Variants in NWD1 observed in about 807,000 individuals in gnomAD.
NWD1 encodes the protein NACHT domain- and WD repeat-containing protein 1.
A neutral mutation model predicts 135.1 loss-of-function variants in NWD1; 129 were observed. The observed-to-expected ratio is 0.96, with a 90% CI of 0.83 to 1.11. The LOEUF (loss-of-function observed/expected upper bound fraction) is 1.11, where lower values mean the gene tolerates loss of function less well. NWD1 is among the 50% of genes least tolerant of loss of function. The pLI is 0.00. For synonymous variants in NWD1, 773 were observed against 786.0 expected, an observed-to-expected ratio of 0.98 and a Z score of 0.28; for missense variants, 1,740 against 1,851.3, an observed-to-expected ratio of 0.94 and a Z score of 1.10.
intron 4 of NWD1, among the ~76,000 whole-genome samples, chr19:16,741,705 C>T (rs1349323265): frequency 6.6e-6 from 1 of 151,914 alleles, no homozygotes; most frequent in East Asian, 1.9e-4. Flanking sequence ...GGTGAATTTC[C>T]CTGACTCCCC....
At chr19:16,784,008 C>T (rs1482449300) in intron 12 of NWD1, among the ~76,000 whole-genome samples, 1 of 152,068 alleles carries the variant, frequency 6.6e-6, no homozygotes, top group Non-Finnish European at 1.5e-5. Context: ...AGTTCGAAAC[C>T]AGCCTGGCCA....
At position 16,791,617 on chromosome 19, in the gene NWD1, T is replaced by A; in HGVS notation, c.3208T>A (p.Ser1070Thr). 6.2e-7 allele frequency: 1 copy of A among 1,614,030 alleles called. No individual in the cohort carries two copies. The highest frequency in any genetic ancestry group is 8.5e-7 in the Non-Finnish European group (1 of 1,179,954). Residue 1070 changes from serine (S) to threonine (T), a missense_variant, in exon 14 of 19, where the codon TCT becomes ACT. Physicochemically the swap from Ser to Thr is moderately conservative, Grantham distance 58. Transcript: ENST00000524140. ...TACCGGGTTTAGCAATGGCTCCATC[T>A]CTTTGGTAAGCACCTTTACTGACTA... ...LVTGFSNGSISLVSSKGDRLL... is the reference protein window; with the variant it reads ...LVTGFSNGSITLVSSKGDRLL...
intron 18 of NWD1, among the ~76,000 whole-genome samples, chr19:16,813,681 T>C (rs1970991029): frequency 6.6e-6 from 1 of 150,702 alleles, no homozygotes; most frequent in Admixed American, 6.6e-5. Context: ...TTCACCATGT[T>C]GGCCAGGCTG....
At chr19:16,782,443 G>A (rs1969889053) in intron 12 of NWD1, among the ~76,000 whole-genome samples, 1 of 152,012 alleles carries the variant, frequency 6.6e-6, no homozygotes, top group South Asian at 2.1e-4. Context: ...TCCATCCTGG[G>A]CGACAGAGTG....
intron 15 of NWD1, among the ~76,000 whole-genome samples, chr19:16,795,415 CTTTTTTTTTT>C (rs869281364): frequency 3.7e-5 from 5 of 136,348 alleles, no homozygotes; most frequent in Non-Finnish European, 7.9e-5. Context: ...TGCTAATTAC[CTTTTTTTTTT>C]TTTTTTTTTG....
intron 3 of NWD1, among the ~76,000 whole-genome samples, chr19:16,735,306 C>A (rs1967746179): frequency 6.6e-6 from 1 of 151,998 alleles, no homozygotes; most frequent in Admixed American, 6.6e-5. Flanking sequence ...GAGTTTGAGA[C>A]CAGCCTGGCC....
rs1381828560 is a variant in NWD1, at chr19:16,724,471, C to G, written c.-7+8C>G. ...AGGCTCACGGATGCCAAGGTATACG[C>G]GTGTTCTCTCTGCCTCCAGCGGTGG... On this transcript the variant is annotated splice_region_variant and intron_variant, in intron 2 of 18. Transcript: ENST00000524140. 6.6e-6 allele frequency: 1 copy of G among 152,138 alleles called. No homozygotes were observed. The highest frequency in any genetic ancestry group is 6.6e-5 in the Admixed American group (1 of 15,262). 9.4% of individuals were successfully genotyped at this position (152,138 alleles called of 1,614,324 possible). A position where few individuals can be genotyped will look rare whatever the true frequency, so the allele number is the denominator to read the frequency against.
chr19:16,739,109 C>G (rs965810593), intron 4 of NWD1, among the ~76,000 whole-genome samples: 3 of 149,592 alleles, frequency 2.0e-5, no homozygotes, highest in Non-Finnish European at 4.4e-5. Flanking sequence ...ACTCTACATT[C>G]TGTTGTAAAT....
At chr19:16,772,263 G>A (rs548159806) in intron 10 of NWD1, among the ~76,000 whole-genome samples, 127 of 152,278 alleles carry the variant, frequency 8.3e-4, no homozygotes, top group African/African-American at 2.8e-3. Flanking sequence ...TAATATAGAG[G>A]CTGTGGCCGG....
chr19:16,784,454 A>T (rs1969969960), intron 12 of NWD1, among the ~76,000 whole-genome samples: 1 of 152,106 alleles, frequency 6.6e-6, no homozygotes, highest in Admixed American at 6.6e-5. Context: ...ATTTCGTATA[A>T]GGCACTGGAG....
chr19:16,778,200 T>C (rs1185787675), intron 11 of NWD1, among the ~76,000 whole-genome samples: 1 of 152,142 alleles, frequency 6.6e-6, no homozygotes, highest in Non-Finnish European at 1.5e-5. Flanking sequence ...AAGGACTTCC[T>C]TTCTTTACTC....
chr19:16,789,323 T>A, intron 13 of NWD1, 133 bp downstream of exon 13: 1 of 669,826 alleles, frequency 1.5e-6, no homozygotes, highest in Non-Finnish European at 2.6e-6. Context: ...CACAACCACT[T>A]GAGAGGGTGC....
intron 14 of NWD1, among the ~76,000 whole-genome samples, chr19:16,792,056 A>G (rs1970266368): frequency 6.6e-6 from 1 of 152,302 alleles, no homozygotes; most frequent in South Asian, 2.1e-4. Context: ...AGTTCAGCAC[A>G]GTTCAGGAAA....
intron 1 of NWD1, among the ~76,000 whole-genome samples, chr19:16,722,244 A>C (rs377284795): frequency 1.3e-5 from 2 of 151,434 alleles, no homozygotes; most frequent in South Asian, 2.1e-4. Flanking sequence ...GGCTGCAGTG[A>C]GCCACAATAG....
At chr19:16,800,960 C>T (rs1970586146) in intron 17 of NWD1, among the ~76,000 whole-genome samples, 1 of 151,980 alleles carries the variant, frequency 6.6e-6, no homozygotes, top group Non-Finnish European at 1.5e-5. Context: ...TGAGAGGATG[C>T]CATTTCTACT....
chr19:16,726,748 T>G (rs1967346460), intron 2 of NWD1, among the ~76,000 whole-genome samples: 1 of 152,174 alleles, frequency 6.6e-6, no homozygotes, highest in Non-Finnish European at 1.5e-5. Flanking sequence ...CTAAAACTGG[T>G]TTCTCAGTTT....
At chr19:16,724,496 G>A (rs971454361) in intron 2 of NWD1, 33 bp downstream of exon 2, 1 of 152,096 alleles carries the variant, frequency 6.6e-6, no homozygotes, top group African/African-American at 2.4e-5. Flanking sequence ...TCCAGCGGTG[G>A]TTTGCTACTG....
chr19:16,774,019 C>G (rs1969510296), intron 11 of NWD1, among the ~76,000 whole-genome samples: 1 of 150,550 alleles, frequency 6.6e-6, no homozygotes, highest in African/African-American at 2.5e-5. Context: ...CCCTCCCATC[C>G]ATTCATCCAT....
intron 17 of NWD1, among the ~76,000 whole-genome samples, chr19:16,801,971 C>A (rs1481281367): frequency 2.6e-5 from 4 of 151,882 alleles, no homozygotes; most frequent in African/African-American, 9.7e-5. Flanking sequence ...GCCTGGGCAA[C>A]ATGGACCTTG....
Sources: allele counts gnomAD v4.1 joint callset (sites outside exome capture counted in the v4.1 genomes callset), GRCh38; gene constraint gnomAD v4.1.1; transcripts MANE v1.5; gene names NCBI Gene and HGNC (gene_info 2026-07-23, HGNC 2026-07-21).